The following FBLN7 variants were observed in gnomAD, a reference collection of about 807,000 sequenced individuals.
FBLN7 encodes fibulin 7, also known as fibulin-7.
A neutral mutation model predicts 44.0 loss-of-function variants in FBLN7; 31 were observed. The ratio of observed to expected loss-of-function variants is 0.70; its 90% CI spans 0.53 to 0.95. The LOEUF (loss-of-function observed/expected upper bound fraction) is 0.95, where lower values mean the gene tolerates loss of function less well. FBLN7 is among the 40% of genes least tolerant of loss of function. FBLN7 has a pLI of 0.00. For missense variants in FBLN7, 573 were observed against 618.5 expected, an observed-to-expected ratio of 0.93 and a Z score of 0.78; for synonymous variants, 262 against 253.4, an observed-to-expected ratio of 1.03 and a Z score of -0.32.
chr2:112,235,549 A>T, the FBLN7 span, among the ~76,000 whole-genome samples: 1 of 152,154 alleles, frequency 6.6e-6, no homozygotes, highest in African/African-American at 2.4e-5. Context: ...AATGTTTTTC[A>T]ATCTAGAATA....
the FBLN7 span, among the ~76,000 whole-genome samples, chr2:112,221,329 A>G: frequency 6.6e-6 from 1 of 151,918 alleles, no homozygotes; most frequent in East Asian, 1.9e-4. Context: ...ATGGTTGTTT[A>G]AAAGTGTGTA....
At chr2:112,182,019 G>GT in intron 5 of FBLN7, 143 bp downstream of exon 5, 1 of 1,053,190 alleles carries the variant, frequency 9.5e-7, no homozygotes, top group Non-Finnish European at 1.3e-6. Context: ...TGCATTATAG[G>GT]TAAGTGTTGA....
chr2:112,240,255 T>C, the FBLN7 span: 1 of 152,232 alleles, frequency 6.6e-6, no homozygotes, highest in Non-Finnish European at 1.5e-5. Flanking sequence ...CATCCATTCA[T>C]TTACATATTG....
chr2:112,164,859 T>G, intron 2 of FBLN7, 142 bp from the exon 3 acceptor site: 1 of 880,908 alleles, frequency 1.1e-6, no homozygotes, highest in Non-Finnish European at 1.7e-6. Context: ...AGACGCAGCA[T>G]GCAGAATGAC....
At chr2:112,238,958 A>T in the FBLN7 span, among the ~76,000 whole-genome samples, 1 of 152,358 alleles carries the variant, frequency 6.6e-6, no homozygotes, top group South Asian at 2.1e-4. Context: ...AAACACCCCA[A>T]GTAAACTGTA....
intron 1 of FBLN7, among the ~76,000 whole-genome samples, chr2:112,140,416 C>A (rs1680582250): frequency 6.6e-6 from 1 of 152,232 alleles, no homozygotes; most frequent in African/African-American, 2.4e-5. Flanking sequence ...CCACTTTCCA[C>A]TCGGATGCCT....
chr2:112,191,017 A>G (rs1683470221), downstream of FBLN7, among the ~76,000 whole-genome samples: 1 of 152,108 alleles, frequency 6.6e-6, no homozygotes, highest in Non-Finnish European at 1.5e-5. Flanking sequence ...TCTCTGTGTC[A>G]CTCAGAGTAG....
In FBLN7 at chr2:112,187,577, C is replaced by T. The variant is rs1683334399; in HGVS notation, c.*71C>T. The T allele has an allele frequency of 1.9e-6, 3 of 1,562,252 alleles. No individual in the cohort carries two copies. The highest frequency in any genetic ancestry group is 2.6e-6 in the Non-Finnish European group (3 of 1,150,652). On this transcript the variant is annotated 3_prime_UTR_variant, in exon 8 of 8. Transcript: ENST00000331203. The surrounding 1 kb of genome is among the most constrained non-coding windows in gnomAD (Gnocchi z 5.1). ...TTCCCCGAAGGCTCAGCTTCGGGCA[C>T]CGACTGCGTGGAGCCTCCCGCCTGT...
At chr2:112,233,363 C>A in the FBLN7 span, 1 of 1,585,984 alleles carries the variant, frequency 6.3e-7, no homozygotes, top group Non-Finnish European at 8.6e-7. Context: ...CAAATTTACA[C>A]TGGTCTCCCT....
the FBLN7 span, among the ~76,000 whole-genome samples, chr2:112,223,273 AAAAGT>A: frequency 6.6e-6 from 1 of 152,218 alleles, no homozygotes; most frequent in Non-Finnish European, 1.5e-5. Context: ...AAAAGAAAAA[AAAAGT>A]AAAGAATATT....
intron 3 of FBLN7, among the ~76,000 whole-genome samples, chr2:112,174,385 A>G (rs1682633670): frequency 6.6e-6 from 1 of 152,188 alleles, no homozygotes; most frequent in South Asian, 2.1e-4. Context: ...AACAAATAGA[A>G]ACTGTTTAAG....
chr2:112,241,554 A>G, the FBLN7 span, among the ~76,000 whole-genome samples: 2 of 152,222 alleles, frequency 1.3e-5, no homozygotes, highest in South Asian at 4.1e-4. Flanking sequence ...CAACCTCCAA[A>G]TTGACATTTG....
chr2:112,159,981 T>A (rs1273576973), intron 2 of FBLN7, 146 bp downstream of exon 2: 1 of 556,460 alleles, frequency 1.8e-6, no homozygotes, highest in Non-Finnish European at 2.7e-6. Flanking sequence ...CTTTTTTATT[T>A]ATTATTTATT....
the FBLN7 span, among the ~76,000 whole-genome samples, chr2:112,219,357 G>A: frequency 6.6e-6 from 1 of 152,194 alleles, no homozygotes; most frequent in Non-Finnish European, 1.5e-5. Flanking sequence ...AACAAATGGT[G>A]CTAGGAAAAC....
the FBLN7 span, among the ~76,000 whole-genome samples, chr2:112,232,747 T>A: frequency 2.0e-5 from 3 of 152,216 alleles, no homozygotes; most frequent in East Asian, 1.9e-4. Context: ...AAGAAAAAAA[T>A]TTTTTTGTGA....
At chr2:112,230,295 G>GA in the FBLN7 span, among the ~76,000 whole-genome samples, 7 of 152,166 alleles carry the variant, frequency 4.6e-5, no homozygotes, top group East Asian at 1.2e-3. Context: ...AACTACTTGA[G>GA]AAAAAAACTG....
the FBLN7 span, among the ~76,000 whole-genome samples, chr2:112,207,852 T>C: frequency 8.5e-5 from 13 of 152,270 alleles, no homozygotes; most frequent in Non-Finnish European, 1.8e-4. Flanking sequence ...AATGTTTGCA[T>C]GTTGCATTTT....
intron 1 of FBLN7, chr2:112,151,681 C>T (rs1681168185): frequency 6.6e-6 from 1 of 152,202 alleles, no homozygotes; most frequent in African/African-American, 2.4e-5. Context: ...AGGAAATAGA[C>T]AAAATGTGCT....
the FBLN7 span, among the ~76,000 whole-genome samples, chr2:112,232,146 C>T: frequency 1.3e-5 from 2 of 151,938 alleles, no homozygotes; most frequent in African/African-American, 4.8e-5. Context: ...CTCGCCTTTA[C>T]TAAAAATCCA....
Sources: gnomAD v4.1 joint callset for allele counts (sites outside exome capture counted in the v4.1 genomes callset) on GRCh38, gnomAD v4.1.1 for gene constraint, Gnocchi (gnomAD v3.1) non-coding constraint, MANE v1.5 for transcripts, NCBI Gene and HGNC (gene_info 2026-07-23, HGNC 2026-07-21) for gene names.